Variants in ADAMTSL1 observed in about 807,000 individuals in gnomAD.
The protein encoded by ADAMTSL1 is ADAMTS-like protein 1.
A neutral mutation model predicts 201.8 loss-of-function variants in ADAMTSL1; 126 were observed. That is an observed-to-expected ratio of 0.62 (90% CI 0.54 to 0.72). The LOEUF (loss-of-function observed/expected upper bound fraction) is 0.72. Among genes scored for constraint, ADAMTSL1 ranks in the 30% least tolerant of loss-of-function variants. ADAMTSL1 has a pLI of 0.00. For synonymous variants in ADAMTSL1, 1,121 were observed against 903.4 expected, an observed-to-expected ratio of 1.24 and a Z score of -4.32; for missense variants, 2,679 against 2,277.8, an observed-to-expected ratio of 1.18 and a Z score of -3.59.
chr9:18,741,875 G>A (rs953966626), intron 15 of ADAMTSL1, among the ~76,000 whole-genome samples: 1 of 152,130 alleles, frequency 6.6e-6, no homozygotes, highest in Admixed American at 6.5e-5. Context: ...TCAAGGTCAA[G>A]GTCTGATTCA....
At chr9:18,205,013 A>G (rs927556908) in intron 2 of ADAMTSL1, among the ~76,000 whole-genome samples, 1 of 152,180 alleles carries the variant, frequency 6.6e-6, no homozygotes, top group South Asian at 2.1e-4. Context: ...ATCTTTCTCA[A>G]GGTCTCACAA....
chr9:18,614,423 T>C (rs1354057989), intron 4 of ADAMTSL1, among the ~76,000 whole-genome samples: 1 of 152,174 alleles, frequency 6.6e-6, no homozygotes, highest in African/African-American at 2.4e-5. Flanking sequence ...TTGCGGCAAG[T>C]TGTGTTATCT....
chr9:18,680,693 A>G (rs192064736), intron 11 of ADAMTSL1, 177 bp downstream of exon 11: 1 of 636,964 alleles, frequency 1.6e-6, no homozygotes, highest in Non-Finnish European at 2.7e-6. Context: ...AAAGTAAATG[A>G]TGTTTTTTTA....
At chr9:17,978,856 G>A (rs892493849) in intron 1 of ADAMTSL1, among the ~76,000 whole-genome samples, 1 of 152,020 alleles carries the variant, frequency 6.6e-6, no homozygotes, top group Non-Finnish European at 1.5e-5. Context: ...TCATAAGGCA[G>A]GGCTAGTGAC....
At chr9:17,909,258 C>T (rs965676412) in intron 1 of ADAMTSL1, among the ~76,000 whole-genome samples, 6 of 146,974 alleles carry the variant, frequency 4.1e-5, no homozygotes, top group African/African-American at 1.5e-4. Context: ...AAATTTTCTC[C>T]CATTCTGTAG....
chr9:18,183,430 C>T (rs72701533), intron 2 of ADAMTSL1, among the ~76,000 whole-genome samples: 4,921 of 152,118 alleles, frequency 0.032, 115 homozygotes, highest in Non-Finnish European at 0.053. Flanking sequence ...GTCAAGATAA[C>T]GAAAAGGCAA....
intron 1 of ADAMTSL1, among the ~76,000 whole-genome samples, chr9:18,110,191 A>G (rs548352585): frequency 1.3e-5 from 2 of 152,208 alleles, no homozygotes; most frequent in South Asian, 4.2e-4. Flanking sequence ...TTCTCTGAAT[A>G]TTTTGTGCAG....
At chr9:18,653,755 T>C (rs1168137219) in intron 7 of ADAMTSL1, among the ~76,000 whole-genome samples, 2 of 152,230 alleles carry the variant, frequency 1.3e-5, no homozygotes, top group African/African-American at 4.8e-5. Flanking sequence ...ACTAACATTT[T>C]TTAAAATCAT....
intron 2 of ADAMTSL1, among the ~76,000 whole-genome samples, chr9:18,367,932 C>T (rs1836848915): frequency 6.6e-6 from 1 of 152,058 alleles, no homozygotes; most frequent in African/African-American, 2.4e-5. Context: ...CGGAGTCTCG[C>T]TCTGTCGCCC....
At chr9:18,416,738 C>G (rs969599735) in intron 2 of ADAMTSL1, among the ~76,000 whole-genome samples, 16 of 152,082 alleles carry the variant, frequency 1.1e-4, no homozygotes, top group African/African-American at 3.6e-4. Context: ...AACAATTCTA[C>G]TAATCCACAT....
In ADAMTSL1 at chr9:18,635,866, G is replaced by T; in HGVS notation, c.602-77G>T. ...TGTAGTTTTTAAGGTATGGAAGTCA[G>T]TGCCTTTATTTAGAAGGCAATCAAT... On this transcript the variant is annotated intron_variant, in intron 5 of 28. Transcript: ENST00000380548. The T allele has an allele frequency of 2.4e-6, 3 of 1,227,948 alleles. No individual in the cohort carries two copies. The East Asian group carries it at 7.3e-5, about 30-fold the overall frequency. The allele number at this position is 1,227,948 out of a possible 1,614,324, so 76.1% of individuals were successfully genotyped here. A position where few individuals can be genotyped will look rare whatever the true frequency, so the allele number is the denominator to read the frequency against.
chr9:18,061,117 A>T, intron 1 of ADAMTSL1, among the ~76,000 whole-genome samples: 1 of 152,226 alleles, frequency 6.6e-6, no homozygotes, highest in Admixed American at 6.5e-5. Context: ...GTCCCTCTCA[A>T]GGCAGGGGTT....
intron 2 of ADAMTSL1, among the ~76,000 whole-genome samples, chr9:18,349,746 T>C (rs1835881799): frequency 6.6e-6 from 1 of 152,094 alleles, no homozygotes; most frequent in African/African-American, 2.4e-5. Context: ...TGGGTCAGCC[T>C]GCCTGAGGCA....
chr9:18,886,164 GTGTATATATATATATATATATATA>G lies in ADAMTSL1; in HGVS notation c.4250-1665_4250-1642del, dbSNP rs1397459312. 4.2e-3 allele frequency among the ~76,000 whole-genome samples: 260 copies of G among 62,234 alleles called. 9 individuals are homozygous for G. Among genetic ancestry groups the G allele is most frequent in the Admixed American group, 0.011 (56 of 5,154 alleles). The allele number at this position is 62,234 out of a possible 152,430, so 40.8% of individuals were successfully genotyped here. A position where few individuals can be genotyped will look rare whatever the true frequency, so the allele number is the denominator to read the frequency against. ...TGTATATATACATGTGAGTGTGTAT[GTGTATATATATATATATATATATA>G]TATATATATATATATATATATATAC... On this transcript the variant is annotated intron_variant, in intron 23 of 28. Coordinates refer to ENST00000380548, the MANE Select transcript of ADAMTSL1 (RefSeq NM_001040272.6).
intron 1 of ADAMTSL1, among the ~76,000 whole-genome samples, chr9:18,056,364 G>C (rs77834429): frequency 6.6e-6 from 1 of 152,136 alleles, no homozygotes; most frequent in Non-Finnish European, 1.5e-5. Context: ...TAATGGCTTA[G>C]ACAAGAGCGT....
At chr9:18,533,697 T>G (rs1819582519) in intron 3 of ADAMTSL1, among the ~76,000 whole-genome samples, 1 of 152,224 alleles carries the variant, frequency 6.6e-6, no homozygotes, top group African/African-American at 2.4e-5. Flanking sequence ...GCCAACTATG[T>G]GTGAGGCACT....
intron 2 of ADAMTSL1, among the ~76,000 whole-genome samples, chr9:18,385,704 C>T (rs1837763847): frequency 6.6e-6 from 1 of 152,140 alleles, no homozygotes; most frequent in Non-Finnish European, 1.5e-5. Context: ...AAATTTCACC[C>T]TTCTTTTTAA....
intron 2 of ADAMTSL1, among the ~76,000 whole-genome samples, chr9:18,165,870 T>C (rs2132102617): frequency 6.6e-6 from 1 of 152,052 alleles, no homozygotes; most frequent in Non-Finnish European, 1.5e-5. Context: ...ATCGCCGTAA[T>C]CTCCGTTTGT....
Position 18,891,285 on chromosome 9 carries a change from T to G in ADAMTSL1, c.4644-1104T>G, listed in dbSNP as rs570173992. On this transcript the variant is annotated intron_variant, in intron 25 of 28. Coordinates refer to ENST00000380548, the MANE Select transcript of ADAMTSL1 (RefSeq NM_001040272.6). ...AACAAGTGTTGCCCTGGTTGTCTCTTTGAGATACAACTGGGTAACCCCGCT... is the reference window on the plus strand; with the variant it reads ...AACAAGTGTTGCCCTGGTTGTCTCTGTGAGATACAACTGGGTAACCCCGCT... 9.0e-4 allele frequency among the ~76,000 whole-genome samples: 137 copies of G among 152,362 alleles called. 1 individual carries two copies. Among genetic ancestry groups the G allele is most frequent in the African/African-American group, 2.9e-3 (122 of 41,596 alleles).
Sources: gnomAD v4.1 joint callset for allele counts (sites outside exome capture counted in the v4.1 genomes callset) on GRCh38, gnomAD v4.1.1 for gene constraint, MANE v1.5 for transcripts, NCBI Gene and HGNC (gene_info 2026-07-23, HGNC 2026-07-21) for gene names.